The following GPD2 variants were observed in gnomAD, a reference collection of about 807,000 sequenced individuals.
The protein encoded by GPD2 is glycerol-3-phosphate dehydrogenase 2, also known as glycerol-3-phosphate dehydrogenase, mitochondrial.
GPD2 carries 54 observed loss-of-function variants against 82.4 expected under a neutral mutation model. The ratio of observed to expected loss-of-function variants is 0.66; its 90% CI spans 0.53 to 0.82. The LOEUF is 0.82. GPD2 is among the 40% of genes least tolerant of loss of function. GPD2 has a pLI of 0.00. For missense variants in GPD2, 748 were observed against 896.2 expected (o/e 0.83, Z 2.11); for synonymous variants, 288 against 306.1 (o/e 0.94, Z 0.62).
At chr2:156,496,911 C>T (rs915801150) in intron 3 of GPD2, among the ~76,000 whole-genome samples, 2 of 151,756 alleles carry the variant, frequency 1.3e-5, no homozygotes, top group African/African-American at 4.8e-5. Context: ...TTAGTTCATG[C>T]GAATAAATAA....
intron 16 of GPD2, among the ~76,000 whole-genome samples, 193 bp from the exon 17 acceptor site, chr2:156,582,600 A>G (rs939952560): frequency 6.6e-6 from 1 of 151,870 alleles, no homozygotes; most frequent in African/African-American, 2.4e-5. Context: ...GGCAGTGTTG[A>G]AATACCTGCC....
the GPD2 span, among the ~76,000 whole-genome samples, chr2:156,418,396 A>G: frequency 6.9e-6 from 1 of 145,240 alleles, no homozygotes; most frequent in Non-Finnish European, 1.6e-5. Context: ...TCTCAAAAAA[A>G]GAAAAAAGAG....
At chr2:156,473,235 A>G (rs766556423) in intron 1 of GPD2, among the ~76,000 whole-genome samples, 9 of 152,196 alleles carry the variant, frequency 5.9e-5, no homozygotes, top group African/African-American at 9.6e-5. Flanking sequence ...TATAGTTGAT[A>G]TTATTGCTAA....
intron 6 of GPD2, among the ~76,000 whole-genome samples, chr2:156,547,436 A>T (rs1686587158): frequency 6.6e-6 from 1 of 152,230 alleles, no homozygotes. Flanking sequence ...GTGGGAAATG[A>T]CATGAATGTT....
chr2:156,494,711 A>G (rs1163940042), intron 2 of GPD2, among the ~76,000 whole-genome samples: 1 of 152,218 alleles, frequency 6.6e-6, no homozygotes, highest in Non-Finnish European at 1.5e-5. Context: ...CTGCAGCAGA[A>G]TGGGAAAAAC....
Position 156,512,251 on chromosome 2 carries a change from G to T in GPD2, c.431G>T (p.Arg144Leu), listed in dbSNP as rs201559833. Reference protein sequence around the residue: ...YRMVKEALHERANLLEIAPHL... With the variant: ...YRMVKEALHELANLLEIAPHL... The stretch of plus-strand genomic sequence containing the variant: ...ATGGTAAAAGAAGCCCTTCATGAGC[G>T]TGCCAACCTGCTAGAAATTGCTCCC... The change falls in exon 5 of 17, where the codon CGT becomes CTT. Residue 144 changes from arginine (R) to leucine (L), a missense_variant. By Grantham distance (102) the Arg-to-Leu change is moderately radical (BLOSUM62 -2). Transcript: ENST00000438166. 6 of 1,600,136 alleles carry T rather than the reference G, an allele frequency of 3.7e-6. No homozygotes were observed. In the African/African-American group the frequency reaches 8.0e-5, roughly 21 times the overall value.
chr2:156,496,838 C>T (rs1314576710), intron 3 of GPD2, among the ~76,000 whole-genome samples: 2 of 142,360 alleles, frequency 1.4e-5, no homozygotes, highest in Non-Finnish European at 3.0e-5. Flanking sequence ...AAATAATTAT[C>T]TTTGTTCATG....
chr2:156,555,247 C>T (rs929918055), intron 8 of GPD2, among the ~76,000 whole-genome samples: 4 of 152,200 alleles, frequency 2.6e-5, no homozygotes, highest in African/African-American at 9.6e-5. Context: ...TATGTCTTCA[C>T]TTAAGCAGTT....
intron 9 of GPD2, among the ~76,000 whole-genome samples, chr2:156,566,487 T>C (rs982729177): frequency 7.2e-5 from 11 of 152,262 alleles, no homozygotes; most frequent in African/African-American, 2.6e-4. Flanking sequence ...TGTCCTCTTG[T>C]GACTGGATTA....
intron 1 of GPD2, among the ~76,000 whole-genome samples, chr2:156,439,417 C>CA (rs1393157281): frequency 2.2e-5 from 3 of 138,014 alleles, no homozygotes; most frequent in East Asian, 2.3e-4. Flanking sequence ...CCCATCTTTA[C>CA]AAAAAAATAC....
At chr2:156,543,563 A>C (rs1032626314) in intron 6 of GPD2, among the ~76,000 whole-genome samples, 1 of 152,240 alleles carries the variant, frequency 6.6e-6, no homozygotes, top group East Asian at 1.9e-4. Context: ...TTGTGCTGTA[A>C]TAAATGTATG....
intron 1 of GPD2, among the ~76,000 whole-genome samples, chr2:156,441,303 G>A (rs1394011600): frequency 6.6e-6 from 1 of 152,176 alleles, no homozygotes. Context: ...TGTAAGCCCA[G>A]TACTTTGGGA....
intron 6 of GPD2, among the ~76,000 whole-genome samples, chr2:156,535,281 GAGAGAGAGAA>G (rs1048753037): frequency 2.0e-5 from 3 of 150,980 alleles, no homozygotes; most frequent in Non-Finnish European, 3.0e-5. Context: ...AGGTGAGAGA[GAGAGAGAGAA>G]AGAGAGAGAA....
intron 6 of GPD2, among the ~76,000 whole-genome samples, chr2:156,549,272 G>A (rs1686662096): frequency 2.6e-5 from 4 of 152,156 alleles, no homozygotes; most frequent in Admixed American, 2.6e-4. Flanking sequence ...CTTACGATTT[G>A]TCTGTATTAG....
chr2:156,401,177 C>T, the GPD2 span, among the ~76,000 whole-genome samples: 2 of 152,154 alleles, frequency 1.3e-5, no homozygotes, highest in Admixed American at 6.5e-5. Context: ...CCCGGGCCTC[C>T]CGCGTGGCAG....
At chr2:156,449,263 G>A (rs1682470532) in intron 1 of GPD2, among the ~76,000 whole-genome samples, 1 of 152,068 alleles carries the variant, frequency 6.6e-6, no homozygotes, top group Admixed American at 6.6e-5. Flanking sequence ...GATCCTATAG[G>A]TCTTTATAAT....
intron 12 of GPD2, 66 bp downstream of exon 12, chr2:156,570,284 A>G: frequency 6.8e-7 from 1 of 1,463,068 alleles, no homozygotes; most frequent in Middle Eastern, 1.8e-4. Context: ...TTCATTTGTC[A>G]TCTTTAAAAA....
At chr2:156,471,710 T>C (rs1683336684) in intron 1 of GPD2, among the ~76,000 whole-genome samples, 2 of 152,242 alleles carry the variant, frequency 1.3e-5, no homozygotes, top group South Asian at 4.1e-4. Flanking sequence ...AGAGTCAATT[T>C]CTTGCAACAT....
intron 1 of GPD2, among the ~76,000 whole-genome samples, chr2:156,459,415 G>A (rs1682903732): frequency 2.0e-5 from 3 of 152,034 alleles, no homozygotes; most frequent in East Asian, 3.9e-4. Context: ...GGCTGGGCGC[G>A]GTGGCTCACA....
Sources: gnomAD v4.1 joint callset for allele counts (sites outside exome capture counted in the v4.1 genomes callset) on GRCh38, gnomAD v4.1.1 for gene constraint, MANE v1.5 for transcripts, NCBI Gene and HGNC (gene_info 2026-07-23, HGNC 2026-07-21) for gene names.